Variants in NOS1AP observed in about 807,000 individuals in gnomAD.
The protein encoded by NOS1AP is nitric oxide synthase 1 adaptor protein.
Under a neutral mutation model 56.2 loss-of-function variants are expected in NOS1AP, and 21 were observed. The ratio of observed to expected loss-of-function variants is 0.37; its 90% confidence interval spans 0.26 to 0.54. The LOEUF is 0.54. NOS1AP is among the 20% of genes least tolerant of loss of function. The probability of loss-of-function intolerance (pLI) is 0.84; values close to 1 mark genes in which losing one functional copy is unlikely to be tolerated. For missense variants in NOS1AP, 522 were observed against 657.8 expected (o/e 0.79, Z 2.26); for synonymous variants, 270 against 274.6 (o/e 0.98, Z 0.17).
chr1:162,270,363 G>A (rs906770910), intron 2 of NOS1AP, among the ~76,000 whole-genome samples: 13 of 152,156 alleles, frequency 8.5e-5, no homozygotes, highest in Admixed American at 7.9e-4. Flanking sequence ...CCTATATAGC[G>A]CTTGCCTGCA....
chr1:162,206,771 T>C (rs1557832742), intron 2 of NOS1AP, among the ~76,000 whole-genome samples: 1 of 152,202 alleles, frequency 6.6e-6, no homozygotes, highest in Admixed American at 6.5e-5. Flanking sequence ...CCAGAAGACC[T>C]TGTAGTGTGA....
At chr1:162,220,468 C>A (rs1301288302) in intron 2 of NOS1AP, among the ~76,000 whole-genome samples, 2 of 151,958 alleles carry the variant, frequency 1.3e-5, no homozygotes, top group African/African-American at 4.8e-5. Context: ...CATGGCCCAG[C>A]CAAACTCATG....
intron 4 of NOS1AP, among the ~76,000 whole-genome samples, chr1:162,307,599 C>G (rs1655878602): frequency 6.6e-6 from 1 of 151,910 alleles, no homozygotes. Flanking sequence ...GTCAGGAGAT[C>G]GAGACCCTCC....
intron 2 of NOS1AP, among the ~76,000 whole-genome samples, chr1:162,239,313 C>G (rs1196296246): frequency 6.6e-6 from 1 of 152,228 alleles, no homozygotes; most frequent in East Asian, 1.9e-4. Flanking sequence ...ATCTACAGAT[C>G]ATATTCTCTT....
chr1:162,082,015 T>C (rs1158798122), intron 1 of NOS1AP, among the ~76,000 whole-genome samples: 1 of 151,768 alleles, frequency 6.6e-6, no homozygotes, highest in Non-Finnish European at 1.5e-5. Context: ...GGGTTTGTTG[T>C]ACAGATTATT....
chr1:162,077,866 C>T (rs935894688), intron 1 of NOS1AP, among the ~76,000 whole-genome samples: 5 of 152,252 alleles, frequency 3.3e-5, no homozygotes, highest in Non-Finnish European at 7.4e-5. Context: ...AGTACTCCAC[C>T]CTCTGCAGTA....
chr1:162,165,377 C>T (rs143022625), intron 2 of NOS1AP, among the ~76,000 whole-genome samples: 2 of 152,242 alleles, frequency 1.3e-5, no homozygotes, highest in East Asian at 3.9e-4. Context: ...TCAACATTAA[C>T]CAGAATTGAG....
chr1:162,098,500 T>C (rs1692301450), intron 1 of NOS1AP, among the ~76,000 whole-genome samples: 1 of 152,072 alleles, frequency 6.6e-6, no homozygotes, highest in African/African-American at 2.4e-5. Context: ...GTGTCGTTTT[T>C]TTTTTTTCTC....
chr1:162,213,355 G>A (rs1268548262), intron 2 of NOS1AP, among the ~76,000 whole-genome samples: 1 of 152,142 alleles, frequency 6.6e-6, no homozygotes, highest in Non-Finnish European at 1.5e-5. Context: ...TGGTTATATG[G>A]GGAGCTGCCT....
intron 1 of NOS1AP, among the ~76,000 whole-genome samples, chr1:162,137,092 G>C (rs1173423294): frequency 1.3e-5 from 2 of 152,146 alleles, no homozygotes; most frequent in Admixed American, 1.3e-4. Flanking sequence ...GGTAGGAGCT[G>C]AGAGTTGGAG....
intron 2 of NOS1AP, among the ~76,000 whole-genome samples, chr1:162,164,174 T>C (rs1425330251): frequency 6.6e-6 from 1 of 152,192 alleles, no homozygotes; most frequent in Non-Finnish European, 1.5e-5. Flanking sequence ...ACACACCTCA[T>C]GTTTGGGAGT....
intron 2 of NOS1AP, among the ~76,000 whole-genome samples, chr1:162,252,160 C>T (rs1653883295): frequency 6.6e-6 from 1 of 152,014 alleles, no homozygotes; most frequent in South Asian, 2.1e-4. Flanking sequence ...GATCTTCCCA[C>T]ATCAGCCTCC....
At chr1:162,340,789 C>T (rs1349390972) in intron 5 of NOS1AP, among the ~76,000 whole-genome samples, 1 of 152,150 alleles carries the variant, frequency 6.6e-6, no homozygotes, top group Non-Finnish European at 1.5e-5. Context: ...TTAGGGTCAG[C>T]TGCTGATCCT....
intron 2 of NOS1AP, among the ~76,000 whole-genome samples, chr1:162,247,310 A>G (rs997258856): frequency 3.3e-5 from 5 of 152,186 alleles, no homozygotes; most frequent in African/African-American, 1.2e-4. Context: ...AATGCACAGC[A>G]GTGTTATTTG....
chr1:162,308,719 G>A (rs1174964272), intron 4 of NOS1AP, among the ~76,000 whole-genome samples: 1 of 152,208 alleles, frequency 6.6e-6, no homozygotes, highest in African/African-American at 2.4e-5. Context: ...CATTACCACA[G>A]AGCTTGTATT....
intron 1 of NOS1AP, among the ~76,000 whole-genome samples, chr1:162,113,237 A>T (rs1036066281): frequency 2.0e-5 from 3 of 151,942 alleles, no homozygotes; most frequent in Non-Finnish European, 4.4e-5. Context: ...GTTATGGGGG[A>T]TGTTGGTTCC....
intron 2 of NOS1AP, among the ~76,000 whole-genome samples, chr1:162,164,091 T>G (rs1007360087): frequency 2.0e-5 from 3 of 152,188 alleles, no homozygotes; most frequent in African/African-American, 7.2e-5. Context: ...TGCTCAAGAG[T>G]AAGAAATGAT....
At chr1:162,250,255 T>C (rs1653805880) in intron 2 of NOS1AP, among the ~76,000 whole-genome samples, 1 of 152,202 alleles carries the variant, frequency 6.6e-6, no homozygotes, top group African/African-American at 2.4e-5. Flanking sequence ...CAAGGTGTTA[T>C]CTGATCATTG....
chr1:162,257,953 G>A (rs1654085892), intron 2 of NOS1AP, among the ~76,000 whole-genome samples: 1 of 152,102 alleles, frequency 6.6e-6, no homozygotes, highest in African/African-American at 2.4e-5. Flanking sequence ...CATTAATCAA[G>A]TGGACAGATT....
Sources: gnomAD v4.1 joint callset for allele counts (sites outside exome capture counted in the v4.1 genomes callset) on GRCh38, gnomAD v4.1.1 for gene constraint, MANE v1.5 for transcripts, NCBI Gene and HGNC (gene_info 2026-07-23, HGNC 2026-07-21) for gene names.